XXYLT1: variants seen among roughly 807,000 people sequenced by gnomAD.
The protein encoded by XXYLT1 is UDP-xylose:alpha-xyloside alpha-1,3-xylosyltransferase.
In XXYLT1, 20 loss-of-function variants were observed where a neutral mutation model predicts 28.9. The ratio of observed to expected loss-of-function variants is 0.69; its 90% CI spans 0.49 to 1.00. The LOEUF is 1.00. Ranked by LOEUF, XXYLT1 falls within the 50% of genes least tolerant of loss-of-function variation. The probability of loss-of-function intolerance (pLI) is 0.00; values close to 1 mark genes in which losing one functional copy is unlikely to be tolerated. For synonymous variants in XXYLT1, 257 were observed against 253.8 expected, an observed-to-expected ratio of 1.01 and a Z score of -0.12; for missense variants, 542 against 560.1, an observed-to-expected ratio of 0.97 and a Z score of 0.33.
intron 1 of XXYLT1, among the ~76,000 whole-genome samples, chr3:195,230,437 T>C (rs940023053): frequency 6.6e-6 from 1 of 152,232 alleles, no homozygotes; most frequent in African/African-American, 2.4e-5. Flanking sequence ...GCCTGTGGTG[T>C]ATCACGCAAG....
intron 3 of XXYLT1, chr3:195,152,301 A>G (rs1720315210): frequency 6.6e-6 from 1 of 152,666 alleles, no homozygotes; most frequent in African/African-American, 2.4e-5. Context: ...ATCACCACTG[A>G]GGACCTGTCC....
rs186551356 is a variant in XXYLT1, at chr3:195,260,360, C to A, written c.504+10195G>T. Among the ~76,000 whole-genome samples the A allele has an allele frequency of 1.1e-4, 16 of 152,254 alleles. No individual in the cohort carries two copies. In the East Asian group the frequency reaches 3.1e-3, roughly 29 times the overall value. Reference sequence around the variant, plus strand: ...CGGGGGGCCCCGTGCTGACCGCAGCCGCGGAGCCCGCAGCGCACATCCCGG... The same window carrying A: ...CGGGGGGCCCCGTGCTGACCGCAGCAGCGGAGCCCGCAGCGCACATCCCGG... On this transcript the variant is annotated intron_variant, in intron 1 of 3. Transcript: ENST00000310380.
At chr3:195,214,919 G>C (rs546045346) in intron 2 of XXYLT1, 1 of 152,206 alleles carries the variant, frequency 6.6e-6, no homozygotes, top group South Asian at 2.1e-4. Flanking sequence ...GGCAGCCAGA[G>C]AGAAAGGTCG....
In XXYLT1 at chr3:195,173,363, A is replaced by G. The variant is rs1721504359; in HGVS notation, c.653-16782T>C. On this transcript the variant is annotated intron_variant, in intron 2 of 3. Coordinates refer to ENST00000310380, the MANE Select transcript of XXYLT1 (RefSeq NM_152531.5). This position sits in a 1 kb window ranked among gnomAD's most constrained non-coding sequence, Gnocchi z 4.3. ...CTCCTCCCCCAGCATCTGCCTGGCC[A>G]TTATGGCCTGGTTCTGCTCCTGGCC... Among the ~76,000 whole-genome samples, 2 of 152,108 alleles carry G rather than the reference A, an allele frequency of 1.3e-5. No individual in the cohort carries two copies. Among genetic ancestry groups the G allele is most frequent in the Non-Finnish European group, 2.9e-5 (2 of 67,992 alleles).
intron 3 of XXYLT1, chr3:195,095,516 G>C (rs1337345100): frequency 6.5e-6 from 1 of 154,084 alleles, no homozygotes; most frequent in Non-Finnish European, 1.5e-5. Flanking sequence ...TCTTACAGCC[G>C]GGCCTCCACA....
In XXYLT1 at chr3:195,129,146, G is replaced by C. The variant is rs1027770104; in HGVS notation, c.785+27303C>G. On this transcript the variant is annotated intron_variant, in intron 3 of 3. Coordinates refer to ENST00000310380, the MANE Select transcript of XXYLT1 (RefSeq NM_152531.5). This position sits in a 1 kb window ranked among gnomAD's most constrained non-coding sequence, Gnocchi z 4.4. ...GGGGGAAGGTCGCGGCTAACATAGAGAGGGACAGCAGAGTTTAGCGTGAAC... is the reference window on the plus strand; with the variant it reads ...GGGGGAAGGTCGCGGCTAACATAGACAGGGACAGCAGAGTTTAGCGTGAAC... Among the ~76,000 whole-genome samples the C allele has an allele frequency of 7.9e-5, 12 of 152,206 alleles. No homozygotes were observed. Among genetic ancestry groups the C allele is most frequent in the African/African-American group, 2.9e-4 (12 of 41,454 alleles).
Position 195,180,345 on chromosome 3 carries a change from G to A in XXYLT1, c.653-23764C>T. 1.0e-6 allele frequency: 1 copy of A among 985,490 alleles called. No homozygotes were observed. Among genetic ancestry groups the A allele is most frequent in the South Asian group, 4.7e-5 (1 of 21,278 alleles). 61.0% of individuals were successfully genotyped at this position (985,490 alleles called of 1,614,324 possible). On this transcript the variant is annotated intron_variant, in intron 2 of 3. Transcript: ENST00000310380. The surrounding 1 kb of genome is among the most constrained non-coding windows in gnomAD (Gnocchi z 5.8). Reference sequence around the variant, plus strand: ...GGCCCAGAAGGAAGGAGCCACAAAGGTCTGGATGGTTTATCCCCCTGGCCC... The same window carrying A: ...GGCCCAGAAGGAAGGAGCCACAAAGATCTGGATGGTTTATCCCCCTGGCCC...
In XXYLT1 at chr3:195,150,821, C is replaced by T. The variant is rs550021182; in HGVS notation, c.785+5628G>A. Among the ~76,000 whole-genome samples the T allele has an allele frequency of 5.9e-5, 9 of 151,838 alleles. No individual in the cohort carries two copies. The highest frequency in any genetic ancestry group is 1.3e-4 in the Admixed American group (2 of 15,254). ...ACTCTCACACACTCACATACACACACACTCACACATACGCACACTCTCTCA... is the reference window on the plus strand; with the variant it reads ...ACTCTCACACACTCACATACACACATACTCACACATACGCACACTCTCTCA... On this transcript the variant is annotated intron_variant, in intron 3 of 3. Transcript: ENST00000310380. This position sits in a 1 kb window ranked among gnomAD's most constrained non-coding sequence, Gnocchi z 4.7.
chr3:195,262,544 G>T (rs1246347883), intron 1 of XXYLT1, among the ~76,000 whole-genome samples: 1 of 152,144 alleles, frequency 6.6e-6, no homozygotes, highest in African/African-American at 2.4e-5. Context: ...TGGCCTACAG[G>T]AACAAGGAAC....
chr3:195,178,207 G>T (rs185876657), intron 2 of XXYLT1, among the ~76,000 whole-genome samples: 2 of 151,960 alleles, frequency 1.3e-5, no homozygotes, highest in East Asian at 3.9e-4. Flanking sequence ...TGGGCAAGCT[G>T]ATAAGAAAGT....
In XXYLT1 at chr3:195,173,203, AC is replaced by A. The variant is rs1449668558; in HGVS notation, c.653-16623del. ...CTGAGAGATGTCATAGAGCTCTCCCACTAGGGAACCGCATCTCCCCTGCATT... is the reference window on the plus strand; with the variant it reads ...CTGAGAGATGTCATAGAGCTCTCCCATAGGGAACCGCATCTCCCCTGCATT... On this transcript the variant is annotated intron_variant, in intron 2 of 3. Coordinates refer to ENST00000310380, the MANE Select transcript of XXYLT1 (RefSeq NM_152531.5). This position sits in a 1 kb window ranked among gnomAD's most constrained non-coding sequence, Gnocchi z 4.3. Among the ~76,000 whole-genome samples, 1 of 152,228 alleles carries A rather than the reference AC, an allele frequency of 6.6e-6. No homozygotes were observed. The highest frequency in any genetic ancestry group is 1.5e-5 in the Non-Finnish European group (1 of 68,038).
At chr3:195,084,323 C>G (rs1577005823) in intron 3 of XXYLT1, among the ~76,000 whole-genome samples, 1 of 151,998 alleles carries the variant, frequency 6.6e-6, no homozygotes, top group East Asian at 1.9e-4. Context: ...GCTCCCTGCC[C>G]CAGGGATACT....
intron 2 of XXYLT1, among the ~76,000 whole-genome samples, chr3:195,182,125 G>C (rs1421763798): frequency 6.6e-6 from 1 of 152,160 alleles, no homozygotes; most frequent in East Asian, 1.9e-4. Context: ...TACTGTGCCA[G>C]CCCCTAAACG....
At chr3:195,112,035 A>G (rs1486164014) in intron 3 of XXYLT1, among the ~76,000 whole-genome samples, 1 of 152,202 alleles carries the variant, frequency 6.6e-6, no homozygotes, top group Non-Finnish European at 1.5e-5. Context: ...TCGCTGCAGA[A>G]ATGTGCAAAT....
chr3:195,191,826 T>C (rs1462369848), intron 2 of XXYLT1, among the ~76,000 whole-genome samples: 1 of 152,206 alleles, frequency 6.6e-6, no homozygotes, highest in African/African-American at 2.4e-5. Context: ...GAATTACATA[T>C]GCATACGCAC....
rs1027648383 is a variant in XXYLT1 at position 195,210,340 on chromosome 3, G to A, written c.652+16369C>T. ...CTCACTTGGGGTCCCTCCACCAACCGGAAGGTGAGCTCCCCAAGGGCAGGA... is the reference window on the plus strand; with the variant it reads ...CTCACTTGGGGTCCCTCCACCAACCAGAAGGTGAGCTCCCCAAGGGCAGGA... On this transcript the variant is annotated intron_variant, in intron 2 of 3. Coordinates refer to ENST00000310380, the MANE Select transcript of XXYLT1 (RefSeq NM_152531.5). The surrounding 1 kb of genome is among the most constrained non-coding windows in gnomAD (Gnocchi z 4.8). Among the ~76,000 whole-genome samples, 7 of 152,146 alleles carry A rather than the reference G, an allele frequency of 4.6e-5. No individual in the cohort carries two copies. The highest frequency in any genetic ancestry group is 4.1e-4 in the South Asian group (2 of 4,828).
At chr3:195,248,607 G>A (rs1725129621) in intron 1 of XXYLT1, among the ~76,000 whole-genome samples, 1 of 152,208 alleles carries the variant, frequency 6.6e-6, no homozygotes. Flanking sequence ...ACATGGAACT[G>A]TAAGTCCATT....
intron 2 of XXYLT1, chr3:195,175,906 A>G: frequency 7.1e-7 from 1 of 1,405,548 alleles, no homozygotes; most frequent in African/African-American, 1.4e-5. Context: ...AAAAAAAAAA[A>G]TTATGTATGA....
intron 3 of XXYLT1, among the ~76,000 whole-genome samples, chr3:195,138,215 C>T (rs1719298179): frequency 1.3e-5 from 2 of 152,310 alleles, no homozygotes; most frequent in African/African-American, 4.8e-5. Context: ...GACTTCAGTT[C>T]CCTCCGCTTC....
Sources: allele counts gnomAD v4.1 joint callset (sites outside exome capture counted in the v4.1 genomes callset), GRCh38; gene constraint gnomAD v4.1.1; non-coding constraint Gnocchi (gnomAD v3.1); transcripts MANE v1.5; gene names NCBI Gene and HGNC (gene_info 2026-07-23, HGNC 2026-07-21).